CLMP: variants seen among roughly 807,000 people sequenced by gnomAD.
The protein encoded by CLMP is CXADR-like membrane protein.
A neutral mutation model predicts 45.2 loss-of-function variants in CLMP; 27 were observed. That is an observed-to-expected ratio of 0.60 (90% CI 0.44 to 0.82). The LOEUF is 0.82. Ranked by LOEUF, CLMP falls within the 40% of genes least tolerant of loss-of-function variation. CLMP has a pLI of 0.00. For synonymous variants in CLMP, 167 were observed against 171.4 expected (o/e 0.97, Z 0.20); for missense variants, 403 against 448.4 (o/e 0.90, Z 0.91).
Position 123,118,919 on chromosome 11 carries a change from TTTTCTTTTCTTTTCTTTCTTTC to T in CLMP, c.29-20989_29-20968del, listed in dbSNP as rs1258789249. 6.2e-3 allele frequency among the ~76,000 whole-genome samples: 857 copies of T among 138,070 alleles called. 32 individuals are homozygous for T. The highest frequency in any genetic ancestry group is 0.022 in the African/African-American group (812 of 36,444). 90.6% of individuals were successfully genotyped at this position (138,070 alleles called of 152,430 possible). On this transcript the variant is annotated intron_variant, in intron 1 of 6. Coordinates refer to ENST00000448775, the MANE Select transcript of CLMP (RefSeq NM_024769.5). ...GATTGTCTTCCAGGTGATCTTTGCA[TTTTCTTTTCTTTTCTTTCTTTC>T]TTTCTTTCTTTCTTTCTTTCTTTCT...
In CLMP at chr11:123,072,494, G is replaced by A. The variant is rs1865683571; in HGVS notation, c.*980C>T. On this transcript the variant is annotated 3_prime_UTR_variant, in exon 7 of 7. Transcript: ENST00000448775. ...CTAATCTCCCTTTCTAGTCCACCCA[G>A]TCTTGCAATTCTGGTTTCACATTTT... is the stretch of plus-strand genomic sequence containing the variant. The A allele has an allele frequency of 6.6e-6, 1 of 152,020 alleles. No homozygotes were observed. The highest frequency in any genetic ancestry group is 2.4e-5 in the African/African-American group (1 of 41,396). The allele number at this position is 152,020 out of a possible 1,614,324, so 9.4% of individuals were successfully genotyped here.
intron 6 of CLMP, 108 bp from the exon 7 acceptor site, chr11:123,073,882 C>T (rs564396023): frequency 2.0e-5 from 23 of 1,139,988 alleles, no homozygotes; most frequent in African/African-American, 3.1e-5. Flanking sequence ...ATAATACCAT[C>T]GGAAGGCAAC....
At chr11:123,152,618 A>T (rs1457367151) in intron 1 of CLMP, among the ~76,000 whole-genome samples, 1 of 152,126 alleles carries the variant, frequency 6.6e-6, no homozygotes. Context: ...AACCAACCCT[A>T]CCAAAAACTT....
intron 1 of CLMP, among the ~76,000 whole-genome samples, chr11:123,107,306 C>G (rs1346756255): frequency 6.6e-6 from 1 of 151,932 alleles, no homozygotes; most frequent in African/African-American, 2.4e-5. Context: ...TCTCAGCTCA[C>G]CGAAACCTCG....
At chr11:123,103,241 T>TTTG (rs1468914954) in intron 1 of CLMP, among the ~76,000 whole-genome samples, 2 of 152,220 alleles carry the variant, frequency 1.3e-5, no homozygotes, top group African/African-American at 4.8e-5. Context: ...GAGCTCTGGC[T>TTTG]TAACCCTGAT....
chr11:123,193,641 T>C (rs1263870303), intron 1 of CLMP, among the ~76,000 whole-genome samples: 1 of 152,202 alleles, frequency 6.6e-6, no homozygotes, highest in Non-Finnish European at 1.5e-5. Flanking sequence ...CCAAGATGGG[T>C]ATGCATACAG....
At position 123,070,969 on chromosome 11, in the gene CLMP, T is replaced by C. The variant is rs1433766044; in HGVS notation, c.*2505A>G. 1 of 152,224 alleles carries C rather than the reference T, an allele frequency of 6.6e-6. No homozygotes were observed. Among genetic ancestry groups the C allele is most frequent in the East Asian group, 1.9e-4 (1 of 5,200 alleles). The allele number at this position is 152,224 out of a possible 1,614,324, so 9.4% of individuals were successfully genotyped here. A position where few individuals can be genotyped will look rare whatever the true frequency, so the allele number is the denominator to read the frequency against. On this transcript the variant is annotated 3_prime_UTR_variant, in exon 7 of 7. Coordinates refer to ENST00000448775, the MANE Select transcript of CLMP (RefSeq NM_024769.5). ...TACAAGAATTTTGTTTTTTGCACTA[T>C]GTGACGACACGATTGTGAGAATTAA...
At chr11:123,087,519 A>G (rs1865879308) in intron 2 of CLMP, among the ~76,000 whole-genome samples, 1 of 151,722 alleles carries the variant, frequency 6.6e-6, no homozygotes, top group Non-Finnish European at 1.5e-5. Flanking sequence ...AAAAAAATAA[A>G]ATGAAATAAA....
intron 4 of CLMP, 75 bp downstream of exon 4, chr11:123,083,605 T>A (rs1258956871): frequency 1.4e-6 from 2 of 1,472,928 alleles, no homozygotes; most frequent in Middle Eastern, 1.8e-4. Context: ...AGTGAGTTGC[T>A]GAGAAAGCTG....
At chr11:123,145,729 G>T (rs7131518) in intron 1 of CLMP, among the ~76,000 whole-genome samples, 61,690 of 152,026 alleles carry the variant, frequency 0.41, 13,316 homozygotes, top group African/African-American at 0.55. Flanking sequence ...CTCCCAAACT[G>T]CTGGGATTAT....
chr11:123,193,773 T>C (rs1861940497), intron 1 of CLMP, among the ~76,000 whole-genome samples: 2 of 152,180 alleles, frequency 1.3e-5, no homozygotes, highest in African/African-American at 4.8e-5. Context: ...AGAAGGGACT[T>C]AGGAACCATC....
intron 1 of CLMP, among the ~76,000 whole-genome samples, chr11:123,160,146 GTCACGTCCCTGTAGTC>G (rs1565400291): frequency 6.6e-6 from 1 of 151,920 alleles, no homozygotes; most frequent in Non-Finnish European, 1.5e-5. Context: ...CGGTCATGGT[GTCACGTCCCTGTAGTC>G]TCAGCTACTT....
chr11:123,164,716 C>A (rs997499148), intron 1 of CLMP, among the ~76,000 whole-genome samples: 10 of 152,074 alleles, frequency 6.6e-5, no homozygotes, highest in African/African-American at 2.4e-4. Context: ...GTTTATGCAT[C>A]TGTCTCACAT....
chr11:123,173,801 G>A (rs1861665779), intron 1 of CLMP, among the ~76,000 whole-genome samples: 1 of 152,162 alleles, frequency 6.6e-6, no homozygotes, highest in Non-Finnish European at 1.5e-5. Context: ...CCAGGCCTGG[G>A]CTGAGTGCTG....
chr11:123,098,526 C>T (rs1396605685), intron 1 of CLMP, among the ~76,000 whole-genome samples: 2 of 151,520 alleles, frequency 1.3e-5, no homozygotes, highest in Non-Finnish European at 2.9e-5. Flanking sequence ...CTGTGCCCGG[C>T]CTGTTTGTTT....
At chr11:123,129,233 G>A (rs758059022) in intron 1 of CLMP, among the ~76,000 whole-genome samples, 11 of 151,662 alleles carry the variant, frequency 7.3e-5, no homozygotes, top group Non-Finnish European at 1.3e-4. Context: ...AGGAGGCTGA[G>A]GCAGGAGAAT....
At chr11:123,081,043 C>G (rs1339489543) in intron 5 of CLMP, among the ~76,000 whole-genome samples, 2 of 151,950 alleles carry the variant, frequency 1.3e-5, no homozygotes, top group Non-Finnish European at 2.9e-5. Flanking sequence ...CTACTCGCTA[C>G]TCGGGAGGCT....
At chr11:123,089,869 G>C (rs2135474437) in intron 2 of CLMP, among the ~76,000 whole-genome samples, 1 of 152,052 alleles carries the variant, frequency 6.6e-6, no homozygotes, top group Non-Finnish European at 1.5e-5. Context: ...GGAGACCAAG[G>C]CGGGCAGATC....
chr11:123,091,931 A>T (rs1225227501), intron 2 of CLMP, among the ~76,000 whole-genome samples: 3 of 151,050 alleles, frequency 2.0e-5, no homozygotes, highest in African/African-American at 7.3e-5. Context: ...CTCATTTTTG[A>T]CTCCTGCCCT....
Sources: gnomAD v4.1 joint callset for allele counts (sites outside exome capture counted in the v4.1 genomes callset) on GRCh38, gnomAD v4.1.1 for gene constraint, MANE v1.5 for transcripts, NCBI Gene and HGNC (gene_info 2026-07-23, HGNC 2026-07-21) for gene names.